The following PPFIBP2 variants were observed in gnomAD, a reference collection of about 807,000 sequenced individuals.
PPFIBP2 encodes PPFIB scaffold protein 2.
PPFIBP2 carries 118 observed loss-of-function variants against 118.3 expected under a neutral mutation model. That is an observed-to-expected ratio of 1.00 (90% CI 0.86 to 1.16). PPFIBP2 has a LOEUF of 1.16. PPFIBP2 is among the 50% of genes most tolerant of loss of function. The pLI, the probability that PPFIBP2 is intolerant of heterozygous loss-of-function variation, is 0.00. For missense variants in PPFIBP2, 1,195 were observed against 1,073.1 expected, an observed-to-expected ratio of 1.11 and a Z score of -1.59; for synonymous variants, 414 against 397.4, an observed-to-expected ratio of 1.04 and a Z score of -0.50.
At chr11:7,663,332 G>A in the PPFIBP2 span, among the ~76,000 whole-genome samples, 1 of 150,584 alleles carries the variant, frequency 6.6e-6, no homozygotes. Context: ...TTTTGGTGTG[G>A]ATGTCCTTTC....
rs552680166 is a variant in PPFIBP2, at chr11:7,643,776, A to C, written c.1646+1350A>C. On this transcript the variant is annotated intron_variant, in intron 17 of 23. Transcript: ENST00000299492. ...TTTAGGAAAAGTACTTTGATACTGA[A>C]AGCCTCCAGCCCCAACCTTTTTTTG... Among the ~76,000 whole-genome samples the C allele has an allele frequency of 2.4e-4, 37 of 152,354 alleles. No individual in the cohort carries two copies. In the South Asian group the frequency reaches 7.1e-3, roughly 29 times the overall value.
chr11:7,553,818 C>G (rs913188292), intron 2 of PPFIBP2, among the ~76,000 whole-genome samples: 3 of 152,290 alleles, frequency 2.0e-5, no homozygotes, highest in Admixed American at 6.5e-5. Context: ...CCAGGGCCAT[C>G]TGAGTCTCTT....
At position 7,530,273 on chromosome 11, in the gene PPFIBP2, G is replaced by C. The variant is rs1296460747; in HGVS notation, c.-37+16152G>C. ...TTATATCCATTACATAGTAACCTGA[G>C]AGGTTAATGTCCATATTACCCAAGG... On this transcript the variant is annotated intron_variant, in intron 1 of 23. Transcript: ENST00000299492. 2.0e-5 allele frequency among the ~76,000 whole-genome samples: 3 copies of C among 149,970 alleles called. No homozygotes were observed. The Admixed American group carries it at 2.1e-4, about 10-fold the overall frequency.
intron 6 of PPFIBP2, among the ~76,000 whole-genome samples, chr11:7,617,575 G>C (rs1230303138): frequency 6.6e-6 from 1 of 152,108 alleles, no homozygotes; most frequent in African/African-American, 2.4e-5. Context: ...CGAGTGATGG[G>C]GCATTTGTGC....
intron 6 of PPFIBP2, among the ~76,000 whole-genome samples, chr11:7,619,953 T>A (rs1849144497): frequency 6.6e-6 from 1 of 152,192 alleles, no homozygotes; most frequent in South Asian, 2.1e-4. Flanking sequence ...TAATTATCTT[T>A]ATGCCAGTTC....
downstream of PPFIBP2, chr11:7,655,363 C>T: frequency 1.7e-6 from 2 of 1,187,950 alleles, no homozygotes. Context: ...CACGACAGGA[C>T]TTGCATGCCA....
chr11:7,599,342 C>G (rs564892639), intron 5 of PPFIBP2, among the ~76,000 whole-genome samples: 1 of 152,316 alleles, frequency 6.6e-6, no homozygotes, highest in South Asian at 2.1e-4. Context: ...GGGAACGTGT[C>G]AGAAGGTTGA....
chr11:7,539,246 C>T (rs1350408589), intron 1 of PPFIBP2: 1 of 152,504 alleles, frequency 6.6e-6, no homozygotes, highest in East Asian at 1.9e-4. Flanking sequence ...TCCTCTTTGT[C>T]CTGACAGGAT....
chr11:7,579,843 T>C (rs984860964), intron 3 of PPFIBP2, among the ~76,000 whole-genome samples: 2 of 152,136 alleles, frequency 1.3e-5, no homozygotes, highest in Admixed American at 6.5e-5. Context: ...TTAAAGAGCA[T>C]TTTACAAAAG....
intron 1 of PPFIBP2, among the ~76,000 whole-genome samples, chr11:7,525,686 C>T (rs1265292842): frequency 6.6e-6 from 1 of 152,204 alleles, no homozygotes; most frequent in Non-Finnish European, 1.5e-5. Flanking sequence ...CAAAGTCCTG[C>T]CCTTAGGCCC....
intron 2 of PPFIBP2, among the ~76,000 whole-genome samples, chr11:7,562,976 T>TACAC (rs1362495585): frequency 4.9e-4 from 49 of 100,462 alleles, no homozygotes; most frequent in African/African-American, 1.6e-3. Flanking sequence ...TATATATATA[T>TACAC]ACACGCACAC....
chr11:7,562,945 A>G (rs1282491057), intron 2 of PPFIBP2, among the ~76,000 whole-genome samples: 1 of 29,050 alleles, frequency 3.4e-5, no homozygotes, highest in Admixed American at 2.0e-4. Context: ...ATATATATAT[A>G]TATATATATA....
the PPFIBP2 span, chr11:7,666,220 G>T: frequency 1.7e-6 from 1 of 594,190 alleles, no homozygotes; most frequent in Non-Finnish European, 3.0e-6. Context: ...AGTGCAGCGT[G>T]AGGTGCTGCT....
the PPFIBP2 span, among the ~76,000 whole-genome samples, chr11:7,662,485 T>C: frequency 1.3e-5 from 2 of 151,890 alleles, no homozygotes; most frequent in Non-Finnish European, 2.9e-5. Context: ...CCCCACTCTC[T>C]TCTGGCTTGT....
At chr11:7,607,152 C>T (rs1361026828) in intron 5 of PPFIBP2, among the ~76,000 whole-genome samples, 25 of 150,414 alleles carry the variant, frequency 1.7e-4, no homozygotes, top group East Asian at 3.9e-4. Flanking sequence ...CCTCGTGATC[C>T]GCCCGCCTCG....
chr11:7,585,985 G>A (rs1018188561), intron 3 of PPFIBP2, among the ~76,000 whole-genome samples: 2 of 152,160 alleles, frequency 1.3e-5, no homozygotes, highest in East Asian at 1.9e-4. Context: ...ACACTTGTAC[G>A]AAAGAAAAAT....
At chr11:7,573,264 A>T (rs983862015) in intron 3 of PPFIBP2, among the ~76,000 whole-genome samples, 4 of 152,140 alleles carry the variant, frequency 2.6e-5, no homozygotes, top group East Asian at 3.8e-4. Flanking sequence ...TTCATTCTGG[A>T]TGGGGAAGCA....
chr11:7,614,900 A>T (rs1420020697), intron 6 of PPFIBP2, among the ~76,000 whole-genome samples: 1 of 152,212 alleles, frequency 6.6e-6, no homozygotes, highest in African/African-American at 2.4e-5. Flanking sequence ...TGAGGTTAAA[A>T]CACAGGACAG....
At chr11:7,633,289 G>C (rs924827994) in intron 12 of PPFIBP2, among the ~76,000 whole-genome samples, 3 of 152,190 alleles carry the variant, frequency 2.0e-5, no homozygotes, top group African/African-American at 7.2e-5. Context: ...TGCTCTTAGA[G>C]TGAATTTAGC....
Sources: allele counts gnomAD v4.1 joint callset (sites outside exome capture counted in the v4.1 genomes callset), GRCh38; gene constraint gnomAD v4.1.1; transcripts MANE v1.5; gene names NCBI Gene and HGNC (gene_info 2026-07-23, HGNC 2026-07-21).